CEP57L1: variants seen among roughly 807,000 people sequenced by gnomAD.
CEP57L1 encodes centrosomal protein 57 like 1, also known as centrosomal protein CEP57L1.
A neutral mutation model predicts 61.0 loss-of-function variants in CEP57L1; 37 were observed. The observed-to-expected ratio is 0.61, with a 90% CI of 0.47 to 0.80. CEP57L1 has a LOEUF of 0.80. CEP57L1 is among the 30% of genes least tolerant of loss of function. CEP57L1 has a pLI of 0.00. For missense variants in CEP57L1, 422 were observed against 524.7 expected (o/e 0.80, Z 1.91); for synonymous variants, 137 against 162.3 (o/e 0.84, Z 1.19).
intron 1 of CEP57L1, among the ~76,000 whole-genome samples, chr6:109,111,512 ATT>A (rs1022102762): frequency 3.6e-4 from 54 of 152,012 alleles, no homozygotes; most frequent in Non-Finnish European, 7.6e-4. Context: ...AATACCCTTT[ATT>A]TCTTTCTTTT....
chr6:109,162,131 A>C (rs1042245053), intron 10 of CEP57L1, among the ~76,000 whole-genome samples: 3 of 152,096 alleles, frequency 2.0e-5, no homozygotes. Context: ...AGGAATACAC[A>C]AAAGTGTTTG....
intron 1 of CEP57L1, among the ~76,000 whole-genome samples, chr6:109,127,028 C>T (rs1439669303): frequency 5.3e-5 from 8 of 151,932 alleles, no homozygotes; most frequent in African/African-American, 1.5e-4. Context: ...TAGCTGGGCA[C>T]GGTGGCGCAC....
At chr6:109,109,169 T>A (rs1771280900) in intron 1 of CEP57L1, among the ~76,000 whole-genome samples, 1 of 151,272 alleles carries the variant, frequency 6.6e-6, no homozygotes, top group Non-Finnish European at 1.5e-5. Flanking sequence ...CTTTGATGAT[T>A]ATGTATATAA....
intron 1 of CEP57L1, among the ~76,000 whole-genome samples, chr6:109,105,640 T>A (rs914718837): frequency 6.6e-6 from 1 of 152,208 alleles, no homozygotes; most frequent in African/African-American, 2.4e-5. Flanking sequence ...CACAGTGCCC[T>A]TACAAATTTT....
intron 9 of CEP57L1, 150 bp downstream of exon 9, chr6:109,159,612 A>G: frequency 1.5e-6 from 1 of 648,122 alleles, no homozygotes; most frequent in Admixed American, 3.0e-5. Flanking sequence ...CCTGGCCAGT[A>G]TTTTTATTCT....
chr6:109,147,528 C>G (rs1441134356), intron 3 of CEP57L1, among the ~76,000 whole-genome samples: 1 of 152,126 alleles, frequency 6.6e-6, no homozygotes, highest in Non-Finnish European at 1.5e-5. Context: ...TTACACTACA[C>G]TCATCCTCAT....
At chr6:109,116,974 C>G (rs1010670218) in intron 1 of CEP57L1, among the ~76,000 whole-genome samples, 6 of 152,102 alleles carry the variant, frequency 3.9e-5, no homozygotes, top group Admixed American at 3.9e-4. Flanking sequence ...TGGTACAGTC[C>G]TAACTTTGGT....
At chr6:109,102,485 A>G (rs1438924774) in intron 1 of CEP57L1, among the ~76,000 whole-genome samples, 1 of 152,206 alleles carries the variant, frequency 6.6e-6, no homozygotes, top group Non-Finnish European at 1.5e-5. Flanking sequence ...TGTCTTTTGC[A>G]AAGCAGAAAT....
chr6:109,159,763 A>G (rs1309272600), intron 9 of CEP57L1, among the ~76,000 whole-genome samples: 4 of 152,154 alleles, frequency 2.6e-5, no homozygotes, highest in African/African-American at 4.8e-5. Flanking sequence ...TTAAAATTTC[A>G]ATTCTTTATA....
At chr6:109,158,982 T>C (rs1268876352) in intron 7 of CEP57L1, 43 bp from the exon 8 acceptor site, 2 of 1,568,516 alleles carry the variant, frequency 1.3e-6, no homozygotes, top group East Asian at 4.5e-5. Context: ...AAATAACTTT[T>C]AAAATAATTT....
At chr6:109,116,419 T>C (rs150333493) in intron 1 of CEP57L1, among the ~76,000 whole-genome samples, 2,563 of 152,194 alleles carry the variant, frequency 0.017, 85 homozygotes, top group African/African-American at 0.059. Flanking sequence ...TCAGGTGATC[T>C]GCCCAACTTG....
intron 1 of CEP57L1, among the ~76,000 whole-genome samples, chr6:109,120,062 C>G (rs144771700): frequency 5.3e-5 from 8 of 152,206 alleles, no homozygotes; most frequent in African/African-American, 1.9e-4. Flanking sequence ...GCACTAAGCT[C>G]TATTCTAGTA....
At position 109,166,161 on chromosome 6, in the gene CEP57L1, T is replaced by A. The variant is rs549691518; in HGVS notation, c.*3191T>A. On this transcript the variant is annotated 3_prime_UTR_variant, in exon 11 of 11. Transcript: ENST00000517392. ...TAGGTTGTAGATAAAGACAGGAGGG[T>A]CAGAGGGAAATGTTCAGTTTTCAAC... Among the ~76,000 whole-genome samples the A allele has an allele frequency of 3.9e-5, 6 of 152,190 alleles. No individual in the cohort carries two copies. The South Asian group carries it at 1.2e-3, about 32-fold the overall frequency.
chr6:109,160,021 G>C (rs1773579589), intron 9 of CEP57L1, among the ~76,000 whole-genome samples: 1 of 152,130 alleles, frequency 6.6e-6, no homozygotes, highest in Non-Finnish European at 1.5e-5. Context: ...AGCATCTATA[G>C]TAAAGAAGAT....
intron 3 of CEP57L1, among the ~76,000 whole-genome samples, chr6:109,149,706 G>T (rs1772379571): frequency 6.6e-6 from 1 of 152,068 alleles, no homozygotes; most frequent in South Asian, 2.1e-4. Flanking sequence ...AAATTACTTT[G>T]GGCAGTATGG....
rs1378480964 is a variant in CEP57L1 at position 109,163,852 on chromosome 6, G to A, written c.*882G>A. 4 of 151,962 alleles carry A rather than the reference G, an allele frequency of 2.6e-5. No individual in the cohort carries two copies. The highest frequency in any genetic ancestry group is 5.9e-5 in the Non-Finnish European group (4 of 68,006). 9.4% of individuals were successfully genotyped at this position (151,962 alleles called of 1,614,324 possible). ...TTTTTTATATTTTAAAATCAATAATGTCAAATGTCATTGTGTATGCATGCT... is the reference window on the plus strand; with the variant it reads ...TTTTTTATATTTTAAAATCAATAATATCAAATGTCATTGTGTATGCATGCT... On this transcript the variant is annotated 3_prime_UTR_variant, in exon 11 of 11. Coordinates refer to ENST00000517392, the MANE Select transcript of CEP57L1 (RefSeq NM_001271852.3).
chr6:109,121,295 T>A (rs1772942396), intron 1 of CEP57L1, among the ~76,000 whole-genome samples: 1 of 152,182 alleles, frequency 6.6e-6, no homozygotes, highest in Non-Finnish European at 1.5e-5. Flanking sequence ...TACAATGAAA[T>A]TTGCAGTTTT....
At chr6:109,120,912 GCACACACACACACACACACACACACACA>G (rs71747421) in intron 1 of CEP57L1, among the ~76,000 whole-genome samples, 2 of 133,480 alleles carry the variant, frequency 1.5e-5, no homozygotes, top group Admixed American at 7.2e-5. Flanking sequence ...TTAGACACAC[GCACACACACACACACACACACACACACA>G]CACACACACA....
chr6:109,129,495 A>T, intron 1 of CEP57L1: 1 of 467,204 alleles, frequency 2.1e-6, no homozygotes, highest in South Asian at 1.5e-5. Flanking sequence ...AGATGAAGGT[A>T]GAGTACTCTT....
Sources: allele counts gnomAD v4.1 joint callset (sites outside exome capture counted in the v4.1 genomes callset), GRCh38; gene constraint gnomAD v4.1.1; transcripts MANE v1.5; gene names NCBI Gene and HGNC (gene_info 2026-07-23, HGNC 2026-07-21).